FAM13B: variants seen among roughly 807,000 people sequenced by gnomAD.
FAM13B encodes family with sequence similarity 13 member B, also known as protein FAM13B.
A neutral mutation model predicts 117.3 loss-of-function variants in FAM13B; 60 were observed. The observed-to-expected ratio is 0.51, with a 90% CI of 0.42 to 0.63. The LOEUF (loss-of-function observed/expected upper bound fraction) is 0.63. FAM13B is among the 30% of genes least tolerant of loss of function. The probability of loss-of-function intolerance (pLI) is 0.00; values close to 1 mark genes in which losing one functional copy is unlikely to be tolerated. For missense variants in FAM13B, 972 were observed against 1,091.9 expected, an observed-to-expected ratio of 0.89 and a Z score of 1.55; for synonymous variants, 332 against 356.1, an observed-to-expected ratio of 0.93 and a Z score of 0.76.
At chr5:137,986,086 T>TA (rs1308522999) in intron 9 of FAM13B, among the ~76,000 whole-genome samples, 10 of 152,162 alleles carry the variant, frequency 6.6e-5, no homozygotes, top group Admixed American at 4.6e-4. Context: ...CTTTTTTTTT[T>TA]AATGTTTTTC....
In FAM13B at chr5:137,989,251, T is replaced by A. The variant is rs192344425; in HGVS notation, c.849-936A>T. ...TAACCAAAATGCAGAACAAACGCTATGAAGTTAGTATTGTCAGGATCCACT... is the reference window on the plus strand; with the variant it reads ...TAACCAAAATGCAGAACAAACGCTAAGAAGTTAGTATTGTCAGGATCCACT... On this transcript the variant is annotated intron_variant, in intron 7 of 23. Transcript: ENST00000689681. Among the ~76,000 whole-genome samples the A allele has an allele frequency of 9.3e-4, 141 of 152,318 alleles. 1 individual carries two copies. Among genetic ancestry groups the A allele is most frequent in the Middle Eastern group, 6.8e-3 (2 of 294 alleles).
chr5:137,949,251 GCAAAATACA>G, intron 17 of FAM13B, 67 bp from the exon 18 acceptor site: 1 of 1,149,908 alleles, frequency 8.7e-7, no homozygotes, highest in Admixed American at 1.7e-5. Flanking sequence ...CAAAGAATAA[GCAAAATACA>G]CAACAAGAAA....
Position 137,986,352 on chromosome 5 carries a change from C to A in FAM13B, c.1047-963G>T, listed in dbSNP as rs550485648. 1.5e-4 allele frequency among the ~76,000 whole-genome samples: 22 copies of A among 151,156 alleles called. No homozygotes were observed. In the East Asian group the frequency reaches 1.7e-3, roughly 12 times the overall value. ...TTTAAAAACTGTCTTAAAAAAAAAACCACTCCCCAATTATCTTTTTTTTTC... is the reference window on the plus strand; with the variant it reads ...TTTAAAAACTGTCTTAAAAAAAAAAACACTCCCCAATTATCTTTTTTTTTC... On this transcript the variant is annotated intron_variant, in intron 9 of 23. Transcript: ENST00000689681.
At position 137,993,864 on chromosome 5, in the gene FAM13B, A is replaced by G. The variant is rs1048398420; in HGVS notation, c.849-5549T>C. Among the ~76,000 whole-genome samples, 3 of 152,152 alleles carry G rather than the reference A, an allele frequency of 2.0e-5. No individual in the cohort carries two copies. In the South Asian group the frequency reaches 6.2e-4, roughly 32 times the overall value. On this transcript the variant is annotated intron_variant, in intron 7 of 23. Transcript: ENST00000689681. ...AAGGTAGATTCCAAGTTCCCACTCC[A>G]AATCTCTAAAGTAGGGCCCAAGAGT...
rs1415231474 is a variant in FAM13B, at chr5:137,954,312, T to A, written c.1572A>T (p.Pro524=). 1.2e-6 allele frequency: 2 copies of A among 1,614,024 alleles called. No individual in the cohort carries two copies. Among genetic ancestry groups the A allele is most frequent in the South Asian group, 1.1e-5 (1 of 91,068 alleles). ...GGTGATGATTCATTCTTCCAGCTTG[T>A]GGAGACAGCTGAGCTTCTCCAGACT... ...DSESGEAQLS[P]QAGRMNHHPL... Residue 524 remains proline (P), a synonymous_variant, in exon 15 of 24, where the codon CCA becomes CCT. Transcript: ENST00000689681.
intron 1 of FAM13B, among the ~76,000 whole-genome samples, chr5:138,028,888 A>C (rs980312280): frequency 2.0e-5 from 3 of 152,186 alleles, no homozygotes; most frequent in African/African-American, 7.2e-5. Context: ...GCATGGTGGC[A>C]CATGCCTGTG....
In FAM13B at chr5:137,966,006, C is replaced by T. The variant is rs571486425; in HGVS notation, c.1180-3537G>A. On this transcript the variant is annotated intron_variant, in intron 10 of 23. Coordinates refer to ENST00000689681, the MANE Select transcript of FAM13B (RefSeq NM_001385994.1). ...CTTTCAACTCCCAAAATATTGATTA[C>T]TGTACAACTTATACCTATTCAAAAT... Among the ~76,000 whole-genome samples, 22 of 151,726 alleles carry T rather than the reference C, an allele frequency of 1.4e-4. No homozygotes were observed. In the East Asian group the frequency reaches 4.3e-3, roughly 29 times the overall value.
chr5:137,970,301 AT>A (rs1771679837), intron 10 of FAM13B, among the ~76,000 whole-genome samples: 1 of 152,098 alleles, frequency 6.6e-6, no homozygotes, highest in South Asian at 2.1e-4. Context: ...GTGGGGGCCA[AT>A]ATTCAACATT....
At chr5:137,948,734 G>T (rs1581057707) in intron 18 of FAM13B, among the ~76,000 whole-genome samples, 1 of 152,056 alleles carries the variant, frequency 6.6e-6, no homozygotes. Context: ...CAACATAAAT[G>T]AACTCATCAG....
At chr5:138,036,839 C>A (rs535766119), upstream of FAM13B, 2 of 336,372 alleles carry the variant, frequency 5.9e-6, no homozygotes, top group South Asian at 4.7e-5. Flanking sequence ...TGTGTGCAGA[C>A]ATTTTTGGTT....
At chr5:138,003,285 G>A (rs1781731775) in intron 7 of FAM13B, among the ~76,000 whole-genome samples, 1 of 151,908 alleles carries the variant, frequency 6.6e-6, no homozygotes, top group Non-Finnish European at 1.5e-5. Context: ...ACTTTCAAGA[G>A]AAGAGTTAAA....
chr5:138,009,642 T>C (rs1319765532), intron 6 of FAM13B, among the ~76,000 whole-genome samples: 1 of 151,942 alleles, frequency 6.6e-6, no homozygotes, highest in Non-Finnish European at 1.5e-5. Flanking sequence ...CTGTCTCTAC[T>C]AAAAATACAA....
At chr5:138,019,241 G>T in intron 2 of FAM13B, 95 bp from the exon 3 acceptor site, 2 of 1,053,600 alleles carry the variant, frequency 1.9e-6, no homozygotes, top group Non-Finnish European at 2.7e-6. Flanking sequence ...ACCTGAATGT[G>T]TTCTCATCTA....
At position 137,985,273 on chromosome 5, in the gene FAM13B, T is replaced by C; in HGVS notation, c.1163A>G (p.Asn388Ser). ...ATTCCTTACCTGGGTATTTTCTTCA[T>C]TCTCAAATACACAATCTTGCTGCAT... The part of the protein sequence containing the change: ...EAMQQDCVFE[N>S]EENTQSVGIL... Residue 388 changes from asparagine (N) to serine (S), a missense_variant, in exon 10 of 24, where the codon AAT becomes AGT. Transcript: ENST00000689681. The C allele has an allele frequency of 6.2e-7, 1 of 1,613,302 alleles. No homozygotes were observed. Among genetic ancestry groups the C allele is most frequent in the Non-Finnish European group, 8.5e-7 (1 of 1,179,780 alleles).
intron 9 of FAM13B, 35 bp downstream of exon 9, chr5:137,987,426 T>C (rs1234799010): frequency 6.5e-7 from 1 of 1,541,920 alleles, no homozygotes; most frequent in Non-Finnish European, 8.8e-7. Flanking sequence ...AACAATTTTA[T>C]AACATTTAAT....
intron 1 of FAM13B, among the ~76,000 whole-genome samples, chr5:138,047,522 G>A (rs996175424): frequency 2.1e-4 from 32 of 151,300 alleles, no homozygotes; most frequent in African/African-American, 6.8e-4. Flanking sequence ...AAAAAATGAA[G>A]ATGTCCACAT....
intron 10 of FAM13B, 48 bp from the exon 11 acceptor site, chr5:137,962,517 G>A: frequency 1.3e-6 from 2 of 1,537,564 alleles, no homozygotes; most frequent in Non-Finnish European, 1.8e-6. Context: ...CCAATACTCA[G>A]ATAAGAGAAG....
chr5:137,959,112 T>G (rs1423897083), intron 13 of FAM13B, among the ~76,000 whole-genome samples: 1 of 152,208 alleles, frequency 6.6e-6, no homozygotes, highest in Non-Finnish European at 1.5e-5. Flanking sequence ...TGCAAATTTT[T>G]AGAGTCCCCT....
intron 10 of FAM13B, among the ~76,000 whole-genome samples, chr5:137,965,312 A>G (rs1050538632): frequency 6.6e-6 from 1 of 152,174 alleles, no homozygotes; most frequent in Non-Finnish European, 1.5e-5. Flanking sequence ...AATTCAGGTA[A>G]GTTAGAGAGC....
Sources: allele counts gnomAD v4.1 joint callset (sites outside exome capture counted in the v4.1 genomes callset), GRCh38; gene constraint gnomAD v4.1.1; transcripts MANE v1.5; gene names NCBI Gene and HGNC (gene_info 2026-07-23, HGNC 2026-07-21).